MROH9: variants seen among roughly 807,000 people sequenced by gnomAD.
MROH9 encodes maestro heat like repeat family member 9.
Under a neutral mutation model 98.2 loss-of-function variants are expected in MROH9, and 92 were observed. The ratio of observed to expected loss-of-function variants is 0.94; its 90% CI spans 0.79 to 1.11. The LOEUF (loss-of-function observed/expected upper bound fraction) is 1.11, where lower values mean the gene tolerates loss of function less well. Ranked by LOEUF, MROH9 falls within the 50% of genes most tolerant of loss-of-function variation. The pLI is 0.00. For synonymous variants in MROH9, 397 were observed against 368.9 expected (o/e 1.08, Z -0.87); for missense variants, 1,057 against 1,014.8 (o/e 1.04, Z -0.57).
intron 1 of MROH9, among the ~76,000 whole-genome samples, chr1:170,937,198 C>T (rs964455136): frequency 1.7e-4 from 26 of 152,168 alleles, no homozygotes; most frequent in Non-Finnish European, 3.1e-4. Context: ...TCTTTTAATT[C>T]CTGTTCCAAC....
chr1:170,993,418 GAA>G (rs1651437030), intron 12 of MROH9, among the ~76,000 whole-genome samples: 1 of 152,160 alleles, frequency 6.6e-6, no homozygotes, highest in Non-Finnish European at 1.5e-5. Flanking sequence ...GAATAAGCCA[GAA>G]AAGTTACTGA....
intron 1 of MROH9, among the ~76,000 whole-genome samples, chr1:170,935,905 T>G (rs1648857090): frequency 7.6e-6 from 1 of 131,034 alleles, no homozygotes; most frequent in South Asian, 2.3e-4. Context: ...GGCAGGAGAA[T>G]CACTTGAACT....
At chr1:171,016,076 C>A in intron 16 of MROH9, 87 bp from the exon 17 acceptor site, 2 of 912,356 alleles carry the variant, frequency 2.2e-6, no homozygotes, top group Non-Finnish European at 3.0e-6. Context: ...CCATGATGTG[C>A]CGCCCAGACT....
chr1:170,963,942 A>T (rs1404486896), intron 6 of MROH9, among the ~76,000 whole-genome samples: 1 of 152,098 alleles, frequency 6.6e-6, no homozygotes. Flanking sequence ...CTCTGAACTT[A>T]AAATAAAAGT....
chr1:170,996,074 AC>A (rs1651554961), intron 13 of MROH9, among the ~76,000 whole-genome samples: 1 of 152,064 alleles, frequency 6.6e-6, no homozygotes, highest in Non-Finnish European at 1.5e-5. Flanking sequence ...TGATTTTGCT[AC>A]CCTGCAGGGA....
At chr1:171,038,245 A>G (rs1446415137) in intron 20 of MROH9, among the ~76,000 whole-genome samples, 1 of 152,146 alleles carries the variant, frequency 6.6e-6, no homozygotes, top group Non-Finnish European at 1.5e-5. Flanking sequence ...CACACCAAAA[A>G]AAAATCATTT....
intron 2 of MROH9, among the ~76,000 whole-genome samples, chr1:170,947,214 C>A (rs58792556): frequency 1.2e-3 from 179 of 152,036 alleles, no homozygotes; most frequent in African/African-American, 4.0e-3. Flanking sequence ...AGAATTTCTT[C>A]TTTAGCAATT....
chr1:171,060,502 T>C (rs1006599671), intron 20 of MROH9, among the ~76,000 whole-genome samples: 1 of 152,170 alleles, frequency 6.6e-6, no homozygotes, highest in East Asian at 1.9e-4. Context: ...AAAGAGGAAC[T>C]AGAGTTGAAG....
At position 170,965,255 on chromosome 1, in the gene MROH9, C is replaced by T. The variant is rs763469621; in HGVS notation, c.480C>T (p.Tyr160=). The change falls in exon 7 of 22, where the codon TAC becomes TAT. Residue 160 remains tyrosine (Y), a splice_region_variant and synonymous_variant. Coordinates refer to ENST00000367759, the MANE Select transcript of MROH9 (RefSeq NM_001163629.2). ...LRFTVTKVRK[Y]ISVDAPCLGL... ...TTACAGTCACAAAAGTCAGAAAATA[C>T]GTAAGTCACAGAATATAACAATGCC... The T allele has an allele frequency of 1.0e-5, 16 of 1,585,398 alleles. No individual in the cohort carries two copies. The highest frequency in any genetic ancestry group is 9.0e-5 in the East Asian group (4 of 44,646).
intron 20 of MROH9, among the ~76,000 whole-genome samples, chr1:171,046,928 A>G (rs1325603946): frequency 6.6e-6 from 1 of 152,114 alleles, no homozygotes; most frequent in Non-Finnish European, 1.5e-5. Flanking sequence ...GGATATTTTC[A>G]TCAGATATAC....
chr1:170,966,741 C>A (rs890894367), intron 7 of MROH9, among the ~76,000 whole-genome samples: 10 of 152,258 alleles, frequency 6.6e-5, no homozygotes, highest in Admixed American at 3.9e-4. Context: ...TTATTTCAAT[C>A]TTCTGATTCT....
At chr1:170,970,443 G>A (rs1321134114) in intron 7 of MROH9, among the ~76,000 whole-genome samples, 1 of 151,900 alleles carries the variant, frequency 6.6e-6, no homozygotes, top group East Asian at 1.9e-4. Flanking sequence ...CAGGCAAAGA[G>A]AGCATTTCCC....
At chr1:171,051,755 A>G (rs560574991) in intron 20 of MROH9, among the ~76,000 whole-genome samples, 2 of 152,294 alleles carry the variant, frequency 1.3e-5, no homozygotes, top group Admixed American at 1.3e-4. Context: ...ATCAAATTAA[A>G]TTTAAATTTA....
At chr1:171,016,080 C>A (rs1652317297) in intron 16 of MROH9, 83 bp from the exon 17 acceptor site, 1 of 975,424 alleles carries the variant, frequency 1.0e-6, no homozygotes, top group Non-Finnish European at 1.4e-6. Context: ...GATGTGCCGC[C>A]CAGACTCAAG....
At chr1:171,056,473 G>A (rs1653840539) in intron 20 of MROH9, among the ~76,000 whole-genome samples, 1 of 152,192 alleles carries the variant, frequency 6.6e-6, no homozygotes, top group African/African-American at 2.4e-5. Flanking sequence ...GAGGCTCAGG[G>A]ACAGAACCCA....
chr1:170,985,258 T>A (rs1651086472), intron 9 of MROH9, among the ~76,000 whole-genome samples: 2 of 152,194 alleles, frequency 1.3e-5, no homozygotes, highest in Admixed American at 6.5e-5. Flanking sequence ...ACAGATTTTT[T>A]AAAGTATATG....
At chr1:171,039,130 T>G (rs993948998) in intron 20 of MROH9, among the ~76,000 whole-genome samples, 5 of 152,186 alleles carry the variant, frequency 3.3e-5, no homozygotes, top group African/African-American at 1.2e-4. Context: ...TTTTGGTTAA[T>G]TTGACATAAT....
chr1:171,047,868 C>T (rs1340879795), intron 20 of MROH9, among the ~76,000 whole-genome samples: 1 of 152,164 alleles, frequency 6.6e-6, no homozygotes. Flanking sequence ...TACTTTGTAT[C>T]CCCAAGCCAA....
At chr1:171,044,822 TTTTTA>T (rs1252568122) in intron 20 of MROH9, among the ~76,000 whole-genome samples, 1 of 151,854 alleles carries the variant, frequency 6.6e-6, no homozygotes, top group Non-Finnish European at 1.5e-5. Flanking sequence ...CCTTTTTCAT[TTTTTA>T]TTTTATTTGG....
Sources: gnomAD v4.1 joint callset for allele counts (sites outside exome capture counted in the v4.1 genomes callset) on GRCh38, gnomAD v4.1.1 for gene constraint, MANE v1.5 for transcripts, NCBI Gene and HGNC (gene_info 2026-07-23, HGNC 2026-07-21) for gene names.